The following GYS1 variants were observed in gnomAD, a reference collection of about 807,000 sequenced individuals.
GYS1 encodes the protein glycogen [starch] synthase, muscle.
In GYS1, 60 loss-of-function variants were observed where a neutral mutation model predicts 89.1. That is an observed-to-expected ratio of 0.67 (90% CI 0.55 to 0.84). The LOEUF (loss-of-function observed/expected upper bound fraction) is 0.84, where lower values mean the gene tolerates loss of function less well. Among genes scored for constraint, GYS1 ranks in the 40% least tolerant of loss-of-function variants. The pLI, the probability that GYS1 is intolerant of heterozygous loss-of-function variation, is 0.00. For synonymous variants in GYS1, 366 were observed against 401.7 expected (o/e 0.91, Z 1.06); for missense variants, 888 against 1,003.1 (o/e 0.89, Z 1.55).
rs963541918 is a variant in GYS1 at position 48,987,235 on chromosome 19, C to T, written c.451G>A (p.Ala151Thr). 20 of 1,613,414 alleles carry T rather than the reference C, an allele frequency of 1.2e-5. No individual in the cohort carries two copies. The highest frequency in any genetic ancestry group is 1.7e-5 in the Admixed American group (1 of 59,938). ...VPWYDREAND[A>T]VLFGFLTTWF... ...GTGGTCAGAAAGCCAAAGAGGACAGCGTCGTTGGCCTCGCGGTCGTACCAC... is the reference window on the plus strand; with the variant it reads ...GTGGTCAGAAAGCCAAAGAGGACAGTGTCGTTGGCCTCGCGGTCGTACCAC... The change falls in exon 3 of 16, where the codon GCT (alanine) becomes ACT (threonine). Residue 151 changes from alanine to threonine, a missense_variant. Coordinates refer to ENST00000323798, the MANE Select transcript of GYS1 (RefSeq NM_002103.5).
In GYS1 at chr19:48,982,325, C is replaced by T. The variant is rs1280294667; in HGVS notation, c.992G>A (p.Arg331His). 11 of 1,613,590 alleles carry T rather than the reference C, an allele frequency of 6.8e-6. No individual in the cohort carries two copies. The highest frequency in any genetic ancestry group is 1.3e-5 in the African/African-American group (1 of 74,858). Residue 331 changes from arginine to histidine, a missense_variant, in exon 7 of 16, where the codon CGC (arginine) becomes CAC (histidine). Transcript: ENST00000323798. ...DKTLYFFIAG[R>H]YEFSNKGADV... ...AGCACCCTTGTTGGAGAACTCATAG[C>T]GGCCGGCGATAAAGAAGTATAAGGT...
At chr19:48,976,428 T>C (rs968914904) in intron 10 of GYS1, among the ~76,000 whole-genome samples, 1 of 152,014 alleles carries the variant, frequency 6.6e-6, no homozygotes, top group Non-Finnish European at 1.5e-5. Flanking sequence ...TTTGGGCCCC[T>C]AGACTCAATA....
intron 14 of GYS1, 25 bp downstream of exon 14, chr19:48,970,521 G>A (rs762467120): frequency 6.2e-6 from 10 of 1,608,144 alleles, no homozygotes; most frequent in Non-Finnish European, 8.5e-6. Flanking sequence ...TTTGCCAGGA[G>A]AGGATAGGAA....
chr19:48,978,035 C>A, intron 9 of GYS1, 33 bp from the exon 10 acceptor site: 1 of 1,610,110 alleles, frequency 6.2e-7, no homozygotes, highest in Non-Finnish European at 8.5e-7. Flanking sequence ...CATGTGAGAA[C>A]GGAGTAATGA....
rs1329497264 is a variant in GYS1, at chr19:48,970,549, G to C, written c.1806C>G (p.Gly602=). ...LSDLLDWKYL[G]RYYMSARHMA... is the part of the protein sequence containing the mutation. ...GATAGGAAAGTGGGGGTCCTACCCG[G>C]CCTAGGTATTTCCAGTCCAGAAGGT... Residue 602 remains glycine, a synonymous_variant, in exon 14 of 16, where the codon GGC becomes GGG. Transcript: ENST00000323798. 1 of 1,613,280 alleles carries C rather than the reference G, an allele frequency of 6.2e-7. No homozygotes were observed. Among genetic ancestry groups the C allele is most frequent in the East Asian group, 2.2e-5 (1 of 44,890 alleles).
At position 48,979,336 on chromosome 19, in the gene GYS1, C is replaced by CTTTTTTTTTTTTTTTTTTTTT. The variant is rs777178030; in HGVS notation, c.1170-1200_1170-1180dup. On this transcript the variant is annotated intron_variant, in intron 8 of 15. Coordinates refer to ENST00000323798, the MANE Select transcript of GYS1 (RefSeq NM_002103.5). ...TTTGTCTCTTTTTCTTTTTTCTTTT[C>CTTTTTTTTTTTTTTTTTTTTT]TTTTTTTTTTTTTTTTTTTTTTTTT... 2.8e-3 allele frequency among the ~76,000 whole-genome samples: 261 copies of CTTTTTTTTTTTTTTTTTTTTT among 92,692 alleles called. 29 individuals carry two copies. The highest frequency in any genetic ancestry group is 0.01 in the Middle Eastern group (2 of 200). The allele number at this position is 92,692 out of a possible 152,430, so 60.8% of individuals were successfully genotyped here.
intron 5 of GYS1, among the ~76,000 whole-genome samples, chr19:48,985,202 C>G (rs1040938117): frequency 6.6e-6 from 1 of 152,110 alleles, no homozygotes; most frequent in East Asian, 1.9e-4. Flanking sequence ...CAGGCACACA[C>G]CATGTCTGGC....
chr19:48,988,029 CCCG>C, intron 2 of GYS1, among the ~76,000 whole-genome samples: 3 of 152,292 alleles, frequency 2.0e-5, no homozygotes, highest in Non-Finnish European at 4.4e-5. Context: ...ATCTCCATTT[CCCG>C]ACCTTGTGAT....
intron 2 of GYS1, among the ~76,000 whole-genome samples, chr19:48,989,997 C>CCGGGG (rs1568626187): frequency 7.6e-5 from 2 of 26,152 alleles, no homozygotes; most frequent in Non-Finnish European, 1.2e-4. Flanking sequence ...TGCCCTTTTG[C>CCGGGG]TGGGGGGGGG....
Position 48,970,651 on chromosome 19 carries a change from G to A in GYS1, c.1704C>T (p.Thr568=), listed in dbSNP as rs760568725. Residue 568 remains threonine (T), a synonymous_variant, in exon 14 of 16, where the codon ACC becomes ACT. Transcript: ENST00000323798. ...RSLDDSCSQL[T]SFLYSFCQQS... ...GCTGACAGAAACTGTAGAGGAAGGA[G>A]GTGAGCTGCGAGCAGGAATCATCCA... 3.2e-5 allele frequency: 51 copies of A among 1,613,844 alleles called. No homozygotes were observed. The highest frequency in any genetic ancestry group is 4.2e-5 in the Non-Finnish European group (49 of 1,179,948).
chr19:48,984,543 C>G (rs1255857860), intron 5 of GYS1, among the ~76,000 whole-genome samples: 8 of 151,092 alleles, frequency 5.3e-5, no homozygotes, highest in Admixed American at 4.0e-4. Context: ...TTACAGGCAC[C>G]CACCACCACG....
chr19:48,977,940 G>T lies in GYS1; in HGVS notation c.1292C>A (p.Ala431Asp). The change falls in exon 10 of 16, where the codon GCC becomes GAC. Residue 431 changes from alanine (A) to aspartate (D), a missense_variant. Coordinates refer to ENST00000323798, the MANE Select transcript of GYS1 (RefSeq NM_002103.5). ...AATCCATACCTGCGTTGCAAAGATG[G>T]CTCTCTTCATCATAGTGAAGTCTTC... Reference protein sequence around the residue: ...DKEDFTMMKRAIFATQRQSFP... With the variant: ...DKEDFTMMKRDIFATQRQSFP... 1.2e-6 allele frequency: 2 copies of T among 1,613,398 alleles called. No homozygotes were observed. Among genetic ancestry groups the T allele is most frequent in the Non-Finnish European group, 1.7e-6 (2 of 1,179,388 alleles).
chr19:48,988,638 G>A (rs1162008241), intron 2 of GYS1, among the ~76,000 whole-genome samples: 1 of 151,994 alleles, frequency 6.6e-6, no homozygotes, highest in East Asian at 1.9e-4. Flanking sequence ...TTTCAGAGAC[G>A]GGGTCTTGCT....
chr19:48,979,326 T>TTTCTC (rs1568620540), intron 8 of GYS1, among the ~76,000 whole-genome samples: 2 of 120,158 alleles, frequency 1.7e-5, no homozygotes, highest in African/African-American at 3.0e-5. Flanking sequence ...CTCTTTTTCT[T>TTTCTC]TTTTCTTTTC....
intron 2 of GYS1, among the ~76,000 whole-genome samples, chr19:48,989,998 TGGGGGG>T (rs998261396): frequency 3.6e-4 from 18 of 49,642 alleles, no homozygotes; most frequent in Middle Eastern, 0.013. Flanking sequence ...GCCCTTTTGC[TGGGGGG>T]GGGGGGGGGC....
At chr19:48,980,100 C>T (rs1243141503) in intron 8 of GYS1, among the ~76,000 whole-genome samples, 1 of 152,126 alleles carries the variant, frequency 6.6e-6, no homozygotes, top group Non-Finnish European at 1.5e-5. Flanking sequence ...TCTTGCCTCA[C>T]TTTCTACCCC....
chr19:48,985,642 T>C, intron 4 of GYS1, 37 bp from the exon 5 acceptor site: 2 of 1,612,136 alleles, frequency 1.2e-6, no homozygotes, highest in African/African-American at 1.3e-5. Context: ...TTAGAAGGAT[T>C]GGGGAGAAGA....
Position 48,987,414 on chromosome 19 carries a change from G to A in GYS1, c.301-29C>T, listed in dbSNP as rs1472982856. 2.0e-6 allele frequency: 3 copies of A among 1,527,844 alleles called. No individual in the cohort carries two copies. In the East Asian group the frequency reaches 7.0e-5, roughly 36 times the overall value. 94.6% of individuals were successfully genotyped at this position (1,527,844 alleles called of 1,614,324 possible). On this transcript the variant is annotated intron_variant, in intron 2 of 15. Coordinates refer to ENST00000323798, the MANE Select transcript of GYS1 (RefSeq NM_002103.5). ...GGATGGGGTTGGGGAGGCACCATAG[G>A]GAGGCTCTGGGCTTCAGCCTCATAT...
intron 6 of GYS1, 35 bp downstream of exon 6, chr19:48,982,685 T>C (rs1189473954): frequency 7.1e-7 from 1 of 1,401,234 alleles, no homozygotes; most frequent in African/African-American, 1.4e-5. Flanking sequence ...CCCAACGCCC[T>C]CCTCTCTTAA....
Sources: allele counts gnomAD v4.1 joint callset (sites outside exome capture counted in the v4.1 genomes callset), GRCh38; gene constraint gnomAD v4.1.1; transcripts MANE v1.5; gene names NCBI Gene and HGNC (gene_info 2026-07-23, HGNC 2026-07-21).